RIC1: variants seen among roughly 807,000 people sequenced by gnomAD.
RIC1 encodes guanine nucleotide exchange factor subunit RIC1.
In RIC1, 88 loss-of-function variants were observed where a neutral mutation model predicts 169.0. The ratio of observed to expected loss-of-function variants is 0.52; its 90% CI spans 0.44 to 0.62. The LOEUF (loss-of-function observed/expected upper bound fraction) is 0.62, where lower values mean the gene tolerates loss of function less well. Ranked by LOEUF, RIC1 falls within the 20% of genes least tolerant of loss-of-function variation. The probability of loss-of-function intolerance (pLI) is 0.00; values close to 1 mark genes in which losing one functional copy is unlikely to be tolerated. For missense variants in RIC1, 1,877 were observed against 1,725.5 expected (o/e 1.09, Z -1.56); for synonymous variants, 790 against 601.5 (o/e 1.31, Z -4.59).
chr9:5,724,873 A>G (rs1045107005), intron 6 of RIC1, among the ~76,000 whole-genome samples: 1 of 152,158 alleles, frequency 6.6e-6, no homozygotes. Flanking sequence ...TGATTTTCGT[A>G]TCTTGAACCA....
rs1819121419 is a variant in RIC1 at position 5,656,720 on chromosome 9, T to G, written c.252+30T>G. Reference sequence around the variant, plus strand: ...GTAGATTTTACCGCTAAATAGTGTTTTCTTATGAAATCATTACATCGCATT... The same window carrying G: ...GTAGATTTTACCGCTAAATAGTGTTGTCTTATGAAATCATTACATCGCATT... On this transcript the variant is annotated intron_variant, in intron 2 of 25. Transcript: ENST00000414202. 3.9e-6 allele frequency: 5 copies of G among 1,269,232 alleles called. No homozygotes were observed. The East Asian group carries it at 1.2e-4, about 29-fold the overall frequency. 78.6% of individuals were successfully genotyped at this position (1,269,232 alleles called of 1,614,324 possible).
At chr9:5,686,725 T>C (rs1012769410) in intron 2 of RIC1, among the ~76,000 whole-genome samples, 11 of 151,774 alleles carry the variant, frequency 7.2e-5, no homozygotes, top group African/African-American at 2.7e-4. Flanking sequence ...CATGTATACA[T>C]ATGTAACTAA....
intron 3 of RIC1, among the ~76,000 whole-genome samples, chr9:5,696,647 A>C (rs1447304920): frequency 6.6e-6 from 1 of 152,206 alleles, no homozygotes; most frequent in Non-Finnish European, 1.5e-5. Context: ...AAAAGTAAAA[A>C]AATGTGAACT....
chr9:5,770,335 A>G (rs916262619), intron 23 of RIC1, 57 bp downstream of exon 23: 7 of 1,403,788 alleles, frequency 5.0e-6, no homozygotes, highest in African/African-American at 2.9e-5. Context: ...TTTATGTGCT[A>G]TAGCACTTCA....
At chr9:5,713,010 A>T (rs922307574) in intron 3 of RIC1, 4 of 152,254 alleles carry the variant, frequency 2.6e-5, no homozygotes, top group African/African-American at 9.6e-5. Flanking sequence ...AACTAAAAAA[A>T]TGAGCATCAA....
chr9:5,723,045 G>A (rs1271300126), intron 6 of RIC1, among the ~76,000 whole-genome samples: 2 of 152,234 alleles, frequency 1.3e-5, no homozygotes, highest in Non-Finnish European at 2.9e-5. Flanking sequence ...ATAGCAGCAT[G>A]ATTTATAATC....
chr9:5,676,656 A>G (rs1820466033), intron 2 of RIC1, among the ~76,000 whole-genome samples: 1 of 152,134 alleles, frequency 6.6e-6, no homozygotes, highest in Non-Finnish European at 1.5e-5. Context: ...AAGAAATCTC[A>G]CTGGCACTTT....
intron 1 of RIC1, among the ~76,000 whole-genome samples, chr9:5,650,097 T>TCGGC (rs957347673): frequency 6.6e-6 from 1 of 152,130 alleles, no homozygotes; most frequent in Middle Eastern, 3.2e-3. Context: ...TGCCTGTCCT[T>TCGGC]CGGCCCCAGG....
chr9:5,712,323 C>T (rs1822981422), intron 3 of RIC1, among the ~76,000 whole-genome samples: 1 of 152,088 alleles, frequency 6.6e-6, no homozygotes, highest in Non-Finnish European at 1.5e-5. Context: ...TCTCTGATGG[C>T]CAGTGATGAT....
At chr9:5,736,990 A>G (rs1824753240) in intron 7 of RIC1, among the ~76,000 whole-genome samples, 1 of 152,124 alleles carries the variant, frequency 6.6e-6, no homozygotes, top group Non-Finnish European at 1.5e-5. Context: ...CACCAAAAAA[A>G]AAAAAAACAA....
chr9:5,777,404 A>G (rs1285924115), downstream of RIC1, among the ~76,000 whole-genome samples: 2 of 116,700 alleles, frequency 1.7e-5, no homozygotes, highest in Non-Finnish European at 3.4e-5. Context: ...AAATACTGCT[A>G]AAAAAAAAAA....
chr9:5,679,728 A>G (rs574740455), intron 2 of RIC1, among the ~76,000 whole-genome samples: 1 of 152,352 alleles, frequency 6.6e-6, no homozygotes, highest in African/African-American at 2.4e-5. Context: ...TATCAGCTTA[A>G]GGAGATTTTG....
At chr9:5,641,241 A>G (rs913534100) in intron 1 of RIC1, among the ~76,000 whole-genome samples, 1 of 151,464 alleles carries the variant, frequency 6.6e-6, no homozygotes, top group East Asian at 1.9e-4. Flanking sequence ...ACAGGCGCCC[A>G]CCACCACACC....
intron 10 of RIC1, among the ~76,000 whole-genome samples, chr9:5,744,717 G>A (rs939486654): frequency 6.6e-6 from 1 of 152,140 alleles, no homozygotes; most frequent in Non-Finnish European, 1.5e-5. Context: ...CCCTCAAAAA[G>A]TTGCAGCTAT....
At chr9:5,752,501 C>T (rs925977962) in intron 12 of RIC1, among the ~76,000 whole-genome samples, 11 of 150,464 alleles carry the variant, frequency 7.3e-5, no homozygotes, top group South Asian at 4.2e-4. Flanking sequence ...AGTGCAGTGG[C>T]GCGATCCTGG....
At chr9:5,745,411 C>G (rs1300985438) in intron 10 of RIC1, among the ~76,000 whole-genome samples, 1 of 152,098 alleles carries the variant, frequency 6.6e-6, no homozygotes, top group African/African-American at 2.4e-5. Flanking sequence ...GAGGAAGAAA[C>G]TTATATCCCG....
At chr9:5,765,261 T>C in intron 19 of RIC1, 153 bp from the exon 20 acceptor site, 1 of 749,642 alleles carries the variant, frequency 1.3e-6, no homozygotes, top group Non-Finnish European at 2.2e-6. Context: ...TGCCTCGCTT[T>C]TCCTTGTATG....
chr9:5,670,577 C>T (rs752144017), intron 2 of RIC1, among the ~76,000 whole-genome samples: 12 of 152,122 alleles, frequency 7.9e-5, no homozygotes, highest in Admixed American at 7.2e-4. Context: ...CCTTAATACT[C>T]CTTTTATGAT....
rs1025897520 is a variant in RIC1, at chr9:5,629,516, C to T, written c.144+63C>T. On this transcript the variant is annotated intron_variant, in intron 1 of 25. Coordinates refer to ENST00000414202, the MANE Select transcript of RIC1 (RefSeq NM_020829.4). The stretch of plus-strand genomic sequence containing the variant: ...CCCGGCCTCCCGGCGCCGTCCCACC[C>T]CCAACTTCCACCCAGAGCCTAGGAC... 6.5e-5 allele frequency: 96 copies of T among 1,482,774 alleles called. 1 individual carries two copies. The African/African-American group carries it at 7.4e-4, about 11-fold the overall frequency. 91.9% of individuals were successfully genotyped at this position (1,482,774 alleles called of 1,614,324 possible). A position where few individuals can be genotyped will look rare whatever the true frequency, so the allele number is the denominator to read the frequency against.
Sources: allele counts gnomAD v4.1 joint callset (sites outside exome capture counted in the v4.1 genomes callset), GRCh38; gene constraint gnomAD v4.1.1; transcripts MANE v1.5; gene names NCBI Gene and HGNC (gene_info 2026-07-23, HGNC 2026-07-21).